DNAJC15: variants seen among roughly 807,000 people sequenced by gnomAD.
DNAJC15 encodes the protein DnaJ heat shock protein family (Hsp40) member C15, also known as dnaJ homolog subfamily C member 15.
In DNAJC15, 27 loss-of-function variants were observed where a neutral mutation model predicts 22.4. The ratio of observed to expected loss-of-function variants is 1.20; its 90% CI spans 0.89 to 1.66. The LOEUF (loss-of-function observed/expected upper bound fraction) is 1.66, where lower values mean the gene tolerates loss of function less well. DNAJC15 is among the 40% of genes most tolerant of loss of function. DNAJC15 has a pLI of 0.00. For missense variants in DNAJC15, 208 were observed against 187.1 expected (o/e 1.11, Z -0.65); for synonymous variants, 79 against 63.2 (o/e 1.25, Z -1.19).
chr13:43,045,953 C>G (rs567547190), intron 1 of DNAJC15, among the ~76,000 whole-genome samples: 1 of 152,106 alleles, frequency 6.6e-6, no homozygotes, highest in Non-Finnish European at 1.5e-5. Context: ...TGATATATCC[C>G]TAGGGCTTAA....
At chr13:43,037,922 A>T (rs2040436073) in intron 1 of DNAJC15, among the ~76,000 whole-genome samples, 1 of 152,178 alleles carries the variant, frequency 6.6e-6, no homozygotes, top group South Asian at 2.1e-4. Flanking sequence ...GTTTTAATGA[A>T]AATATTCTTT....
At chr13:43,071,779 G>T (rs2040610422) in intron 3 of DNAJC15, among the ~76,000 whole-genome samples, 1 of 152,028 alleles carries the variant, frequency 6.6e-6, no homozygotes, top group African/African-American at 2.4e-5. Context: ...TCTTTTCCTT[G>T]TTTCTTTAAA....
At chr13:43,072,337 C>T (rs544625918) in intron 3 of DNAJC15, among the ~76,000 whole-genome samples, 14 of 152,176 alleles carry the variant, frequency 9.2e-5, no homozygotes, top group Admixed American at 7.2e-4. Flanking sequence ...ATTATTTCTT[C>T]CTTTCATTGT....
rs1454503958 is a variant in DNAJC15, at chr13:43,036,756, C to T, written c.108+13022C>T. On this transcript the variant is annotated intron_variant, in intron 1 of 5. Transcript: ENST00000379221. ...ACTACCCTCAGCCCCTTGGCTGGACCTCCCTCCTGGGCTTGTGCCCAAAGT... is the reference window on the plus strand; with the variant it reads ...ACTACCCTCAGCCCCTTGGCTGGACTTCCCTCCTGGGCTTGTGCCCAAAGT... Among the ~76,000 whole-genome samples the T allele has an allele frequency of 3.3e-5, 5 of 152,392 alleles. No individual in the cohort carries two copies. The East Asian group carries it at 9.6e-4, about 29-fold the overall frequency.
rs1276795996 is a variant in DNAJC15 at position 43,047,886 on chromosome 13, AG to A, written c.109-17797del. On this transcript the variant is annotated intron_variant, in intron 1 of 5. Coordinates refer to ENST00000379221, the MANE Select transcript of DNAJC15 (RefSeq NM_013238.3). ...AGATGATGGTACAGAGTAGGCTTGA[AG>A]GGCCAGCGGGCATCAGAAACCATAA... Among the ~76,000 whole-genome samples the A allele has an allele frequency of 3.3e-5, 5 of 152,216 alleles. No homozygotes were observed. The East Asian group carries it at 7.7e-4, about 23-fold the overall frequency.
intron 1 of DNAJC15, among the ~76,000 whole-genome samples, chr13:43,031,741 T>A (rs1330851329): frequency 1.3e-5 from 2 of 152,240 alleles, no homozygotes; most frequent in African/African-American, 4.8e-5. Flanking sequence ...TTGTGCAAAG[T>A]CACACATTTG....
chr13:43,078,621 T>C lies in DNAJC15; in HGVS notation c.244T>C (p.Ser82Pro). ...TTTCTTTCCTATACAGAGCTTTTCA[T>C]CCTACTATAAAGGAGGATTTGAACA... ...AKKISTPSFS[S>P]YYKGGFEQKM... is the part of the protein sequence containing the mutation. The change falls in exon 4 of 6, where the codon TCC becomes CCC. Residue 82 changes from serine to proline, a missense_variant. Ser to Pro is a moderately conservative substitution (Grantham distance 74, BLOSUM62 -1). Coordinates refer to ENST00000379221, the MANE Select transcript of DNAJC15 (RefSeq NM_013238.3). 1.2e-6 allele frequency: 2 copies of C among 1,613,130 alleles called. No individual in the cohort carries two copies. The highest frequency in any genetic ancestry group is 1.7e-6 in the Non-Finnish European group (2 of 1,179,362).
chr13:43,087,129 C>T (rs2040692304), intron 5 of DNAJC15, among the ~76,000 whole-genome samples: 1 of 152,092 alleles, frequency 6.6e-6, no homozygotes, highest in South Asian at 2.1e-4. Flanking sequence ...GAGGCTGTAC[C>T]CTATGTTTCT....
chr13:43,059,040 T>TA lies in DNAJC15; in HGVS notation c.109-6645dup, dbSNP rs2040544406. Among the ~76,000 whole-genome samples, 4 of 152,262 alleles carry TA rather than the reference T, an allele frequency of 2.6e-5. No homozygotes were observed. The South Asian group carries it at 8.3e-4, about 32-fold the overall frequency. ...CTGTGAATTCTTTTGGTTTTCCTGA[T>TA]ATGTTTCTGGAGTAGTTCTTGGAGC... On this transcript the variant is annotated intron_variant, in intron 1 of 5. Coordinates refer to ENST00000379221, the MANE Select transcript of DNAJC15 (RefSeq NM_013238.3).
At chr13:43,096,906 G>T (rs188335271) in intron 5 of DNAJC15, among the ~76,000 whole-genome samples, 1 of 152,220 alleles carries the variant, frequency 6.6e-6, no homozygotes, top group Admixed American at 6.5e-5. Context: ...CCTGACGGAA[G>T]AAACACCAAG....
rs150900775 is a variant in DNAJC15 at position 43,075,903 on chromosome 13, C to G, written c.235-2709C>G. Among the ~76,000 whole-genome samples, 118 of 152,248 alleles carry G rather than the reference C, an allele frequency of 7.8e-4. 1 individual carries two copies. The highest frequency in any genetic ancestry group is 2.6e-3 in the African/African-American group (109 of 41,558). ...GGTCTCTAACTGACCTGAGGTGATC[C>G]GCCCGCCTCAGCCTCGCAAAGTGCT... On this transcript the variant is annotated intron_variant, in intron 3 of 5. Transcript: ENST00000379221.
rs2040835950 is a variant in DNAJC15, at chr13:43,113,949, G to A, written c.*6701G>A. On this transcript the variant is annotated 3_prime_UTR_variant, in exon 6 of 6. Coordinates refer to ENST00000379221, the MANE Select transcript of DNAJC15 (RefSeq NM_013238.3). ...TTACACTTTGTTTCCTGACTTCTTG[G>A]GACTTAGGTAATCAGTTTGCCTTCT... 1 of 152,040 alleles carries A rather than the reference G, an allele frequency of 6.6e-6. No homozygotes were observed. Among genetic ancestry groups the A allele is most frequent in the South Asian group, 2.1e-4 (1 of 4,818 alleles). 9.4% of individuals were successfully genotyped at this position (152,040 alleles called of 1,614,324 possible). A position where few individuals can be genotyped will look rare whatever the true frequency, so the allele number is the denominator to read the frequency against.
intron 1 of DNAJC15, among the ~76,000 whole-genome samples, chr13:43,045,030 G>A (rs193247888): frequency 2.9e-4 from 42 of 145,314 alleles, no homozygotes; most frequent in Non-Finnish European, 5.4e-4. Context: ...TCGGAGAAAA[G>A]CTAGTCTTTA....
At chr13:43,094,077 A>G (rs1405562022) in intron 5 of DNAJC15, among the ~76,000 whole-genome samples, 1 of 152,242 alleles carries the variant, frequency 6.6e-6, no homozygotes, top group Non-Finnish European at 1.5e-5. Context: ...TTAAACCAGA[A>G]CTCAACAAGT....
At chr13:43,065,760 A>G (rs373872499) in intron 2 of DNAJC15, 23 bp downstream of exon 2, 18 of 1,608,524 alleles carry the variant, frequency 1.1e-5, no homozygotes, top group Non-Finnish European at 1.4e-5. Context: ...ATACATACCA[A>G]TAAATTGCAG....
chr13:43,090,784 T>C (rs1025352637), intron 5 of DNAJC15, among the ~76,000 whole-genome samples: 7 of 151,680 alleles, frequency 4.6e-5, no homozygotes, highest in East Asian at 1.9e-4. Flanking sequence ...CTTGGCTCAC[T>C]GCAAACTGCG....
chr13:43,106,232 TAAGGGG>T lies in DNAJC15; in HGVS notation c.383-944_383-939del, dbSNP rs879867547. On this transcript the variant is annotated intron_variant, in intron 5 of 5. Transcript: ENST00000379221. ...TCAGCAGCTATAGATGGTTTGCACT[TAAGGGG>T]AGAATACAAAATAAAAAACACAAAG... 8.6e-3 allele frequency among the ~76,000 whole-genome samples: 1,315 copies of T among 152,234 alleles called. 42 individuals are homozygous for T. The highest frequency in any genetic ancestry group is 0.054 in the East Asian group (281 of 5,180).
At chr13:43,092,884 A>C (rs965895727) in intron 5 of DNAJC15, among the ~76,000 whole-genome samples, 1 of 152,240 alleles carries the variant, frequency 6.6e-6, no homozygotes, top group Non-Finnish European at 1.5e-5. Context: ...ACTGTACTCC[A>C]ACATAGGTGA....
intron 1 of DNAJC15, among the ~76,000 whole-genome samples, chr13:43,030,147 T>C (rs564144990): frequency 2.2e-4 from 34 of 152,352 alleles, no homozygotes; most frequent in South Asian, 1.0e-3. Flanking sequence ...GATCATTGCT[T>C]ATTAATATCT....
Sources: allele counts gnomAD v4.1 joint callset (sites outside exome capture counted in the v4.1 genomes callset), GRCh38; gene constraint gnomAD v4.1.1; transcripts MANE v1.5; gene names NCBI Gene and HGNC (gene_info 2026-07-23, HGNC 2026-07-21).